SCFD2: variants seen among roughly 807,000 people sequenced by gnomAD.
SCFD2 encodes the protein sec1 family domain-containing protein 2.
A neutral mutation model predicts 58.9 loss-of-function variants in SCFD2; 54 were observed. The observed-to-expected ratio is 0.92, with a 90% CI of 0.74 to 1.15. The LOEUF (loss-of-function observed/expected upper bound fraction) is 1.15. Ranked by LOEUF, SCFD2 falls within the 50% of genes most tolerant of loss-of-function variation. The pLI is 0.00. For missense variants in SCFD2, 805 were observed against 836.6 expected (o/e 0.96, Z 0.47); for synonymous variants, 321 against 335.9 (o/e 0.96, Z 0.49).
chr4:53,033,985 C>A (rs1722690944), intron 5 of SCFD2, among the ~76,000 whole-genome samples: 1 of 152,130 alleles, frequency 6.6e-6, no homozygotes, highest in East Asian at 1.9e-4. Context: ...CATCCTGATA[C>A]CAAAACCTGG....
chr4:53,177,961 G>A (rs948424795), intron 4 of SCFD2, among the ~76,000 whole-genome samples: 5 of 152,134 alleles, frequency 3.3e-5, no homozygotes, highest in African/African-American at 7.2e-5. Flanking sequence ...GGGGAGGGGC[G>A]CCCGCCATTT....
At chr4:52,997,751 G>C (rs1721776934) in intron 5 of SCFD2, among the ~76,000 whole-genome samples, 1 of 152,174 alleles carries the variant, frequency 6.6e-6, no homozygotes, top group South Asian at 2.1e-4. Flanking sequence ...TAGACAGTCA[G>C]ATAAGGAATT....
At chr4:53,166,171 T>G (rs1312230185) in intron 4 of SCFD2, among the ~76,000 whole-genome samples, 2 of 152,226 alleles carry the variant, frequency 1.3e-5, no homozygotes, top group African/African-American at 4.8e-5. Flanking sequence ...ATTGATTCAT[T>G]TGTCAATGAA....
At chr4:53,357,291 T>A (rs144633200) in intron 1 of SCFD2, among the ~76,000 whole-genome samples, 16 of 152,018 alleles carry the variant, frequency 1.1e-4, no homozygotes, top group Admixed American at 1.0e-3. Flanking sequence ...TAGCCAGGTA[T>A]AGAGGTATGT....
chr4:52,887,986 C>G (rs915716007), intron 7 of SCFD2, among the ~76,000 whole-genome samples: 1 of 144,592 alleles, frequency 6.9e-6, no homozygotes, highest in Non-Finnish European at 1.5e-5. Context: ...TCTCGGCTCA[C>G]TGCAAGCTCC....
intron 5 of SCFD2, among the ~76,000 whole-genome samples, chr4:52,947,721 A>G (rs776446466): frequency 2.0e-5 from 3 of 152,024 alleles, no homozygotes; most frequent in Non-Finnish European, 2.9e-5. Context: ...AAAAAACGAT[A>G]TAAAATTTCA....
At chr4:53,176,804 C>A (rs1727344536) in intron 4 of SCFD2, among the ~76,000 whole-genome samples, 1 of 152,128 alleles carries the variant, frequency 6.6e-6, no homozygotes, top group South Asian at 2.1e-4. Flanking sequence ...CAAAAACCAG[C>A]TGGGTGTGGT....
At chr4:53,104,418 TAAAG>T (rs1185940500) in intron 5 of SCFD2, among the ~76,000 whole-genome samples, 4 of 152,080 alleles carry the variant, frequency 2.6e-5, no homozygotes, top group Admixed American at 1.3e-4. Flanking sequence ...TCACCAAAAA[TAAAG>T]AAAGTCTAAG....
Position 53,365,758 on chromosome 4 carries a change from C to T in SCFD2, c.184G>A (p.Asp62Asn), listed in dbSNP as rs750943047. ...TGCTTGGCTCCACCACCAATTGCGTCGGGCTCGAACTCTCGCAGGTGACAG... is the reference window on the plus strand; with the variant it reads ...TGCTTGGCTCCACCACCAATTGCGTTGGGCTCGAACTCTCGCAGGTGACAG... ...PDCHLREFEP[D>N]AIGGGAKQPK... is the part of the protein sequence containing the mutation. The change falls in exon 1 of 9, where the codon GAC becomes AAC. Residue 62 changes from aspartate to asparagine, a missense_variant. This residue lies in a region of SCFD2 where 155 missense variants were observed against 149.7 expected (regional missense o/e 1.04). Transcript: ENST00000401642. The surrounding 1 kb of genome is among the most constrained non-coding windows in gnomAD (Gnocchi z 4.3). 3 of 1,613,800 alleles carry T rather than the reference C, an allele frequency of 1.9e-6. No homozygotes were observed. Among genetic ancestry groups the T allele is most frequent in the Non-Finnish European group, 2.5e-6 (3 of 1,179,840 alleles).
At chr4:52,996,875 C>T (rs1380707962) in intron 5 of SCFD2, among the ~76,000 whole-genome samples, 1 of 152,212 alleles carries the variant, frequency 6.6e-6, no homozygotes, top group Non-Finnish European at 1.5e-5. Flanking sequence ...GGCTGCATTC[C>T]AGTGCTTCTA....
At position 52,904,477 on chromosome 4, in the gene SCFD2, C is replaced by A. The variant is rs536007251; in HGVS notation, c.1842+2980G>T. 3.9e-5 allele frequency among the ~76,000 whole-genome samples: 6 copies of A among 152,288 alleles called. No individual in the cohort carries two copies. The East Asian group carries it at 9.6e-4, about 24-fold the overall frequency. On this transcript the variant is annotated intron_variant, in intron 7 of 8. Transcript: ENST00000401642. The stretch of plus-strand genomic sequence containing the variant: ...ACAATGAAGATGCAATGTGTACACG[C>A]AACTCAACTCTAATGCACACATTTA...
intron 5 of SCFD2, among the ~76,000 whole-genome samples, chr4:53,061,610 T>C (rs961603430): frequency 5.9e-5 from 9 of 152,128 alleles, no homozygotes; most frequent in Admixed American, 3.9e-4. Context: ...TCCATGGTTC[T>C]GCCTTCTGTT....
At chr4:53,090,544 T>C (rs573949215) in intron 5 of SCFD2, among the ~76,000 whole-genome samples, 41 of 152,248 alleles carry the variant, frequency 2.7e-4, no homozygotes, top group Non-Finnish European at 5.3e-4. Flanking sequence ...AAGATCCAGA[T>C]AGGAAAGAAA....
chr4:52,898,463 T>C (rs1482261761), intron 7 of SCFD2, among the ~76,000 whole-genome samples: 2 of 152,232 alleles, frequency 1.3e-5, no homozygotes, highest in Admixed American at 6.5e-5. Context: ...CTGAGCGGTT[T>C]TGAGTGAGTT....
chr4:52,953,927 T>C (rs1347613307), intron 5 of SCFD2, among the ~76,000 whole-genome samples: 1 of 152,194 alleles, frequency 6.6e-6, no homozygotes, highest in Non-Finnish European at 1.5e-5. Flanking sequence ...GCTGAGACCA[T>C]GGACTCCTGG....
intron 3 of SCFD2, among the ~76,000 whole-genome samples, chr4:53,301,338 T>A (rs1291066564): frequency 6.6e-6 from 1 of 152,120 alleles, no homozygotes; most frequent in Non-Finnish European, 1.5e-5. Context: ...GCAAATAAAC[T>A]AGAAAATCTA....
intron 4 of SCFD2, among the ~76,000 whole-genome samples, chr4:53,220,476 A>T (rs1484332683): frequency 6.6e-6 from 1 of 152,236 alleles, no homozygotes; most frequent in East Asian, 1.9e-4. Context: ...CCCAATAATT[A>T]TTTGTTGAAA....
chr4:53,248,700 G>A (rs1730219830), intron 4 of SCFD2, among the ~76,000 whole-genome samples: 1 of 152,148 alleles, frequency 6.6e-6, no homozygotes, highest in African/African-American at 2.4e-5. Flanking sequence ...CTCAGGGTCT[G>A]GAGTAGACCT....
In SCFD2 at chr4:53,269,279, C is replaced by G. The variant is rs147611020; in HGVS notation, c.1311+4547G>C. Among the ~76,000 whole-genome samples, 493 of 152,226 alleles carry G rather than the reference C, an allele frequency of 3.2e-3. 1 individual carries two copies. The highest frequency in any genetic ancestry group is 6.8e-3 in the Middle Eastern group (2 of 294). ...TGTCGAGGCTACACTAAGTGGTGAT[C>G]ATGCCACTGCACTCAATCTGGGTGA... On this transcript the variant is annotated intron_variant, in intron 4 of 8. Coordinates refer to ENST00000401642, the MANE Select transcript of SCFD2 (RefSeq NM_152540.4).
Sources: allele counts gnomAD v4.1 joint callset (sites outside exome capture counted in the v4.1 genomes callset), GRCh38; gene constraint gnomAD v4.1.1; regional missense constraint gnomAD v4.1.1; non-coding constraint Gnocchi (gnomAD v3.1); transcripts MANE v1.5; gene names NCBI Gene and HGNC (gene_info 2026-07-23, HGNC 2026-07-21).